ACOXL: variants seen among roughly 807,000 people sequenced by gnomAD.
ACOXL encodes acyl-coenzyme A oxidase-like protein.
Under a neutral mutation model 71.9 loss-of-function variants are expected in ACOXL, and 70 were observed. That is an observed-to-expected ratio of 0.97 (90% CI 0.80 to 1.19). The LOEUF is 1.19. Ranked by LOEUF, ACOXL falls within the 50% of genes most tolerant of loss-of-function variation. ACOXL has a pLI of 0.00. For synonymous variants in ACOXL, 253 were observed against 281.6 expected (o/e 0.90, Z 1.02); for missense variants, 703 against 736.3 (o/e 0.95, Z 0.52).
chr2:110,967,160 TAAAAC>T (rs2149472260), intron 12 of ACOXL, among the ~76,000 whole-genome samples: 1 of 152,298 alleles, frequency 6.6e-6, no homozygotes, highest in East Asian at 1.9e-4. Flanking sequence ...CAAATGCTCT[TAAAAC>T]AAATTTTAAA....
intron 10 of ACOXL, among the ~76,000 whole-genome samples, chr2:110,883,973 C>A (rs993108969): frequency 6.6e-6 from 1 of 152,074 alleles, no homozygotes; most frequent in Non-Finnish European, 1.5e-5. Context: ...TGGAGTACAA[C>A]GTGGTGTTAC....
At chr2:110,870,372 T>C (rs1695128975) in intron 10 of ACOXL, among the ~76,000 whole-genome samples, 2 of 151,986 alleles carry the variant, frequency 1.3e-5, no homozygotes, top group African/African-American at 4.8e-5. Context: ...TAAAATCTTC[T>C]AAATCTTAAC....
intron 8 of ACOXL, among the ~76,000 whole-genome samples, chr2:110,801,992 AAG>A (rs1207395814): frequency 6.6e-6 from 1 of 152,206 alleles, no homozygotes; most frequent in African/African-American, 2.4e-5. Context: ...CATATGTCTA[AAG>A]AGAGAGAGGT....
chr2:110,899,639 C>T (rs1357259154), intron 10 of ACOXL, among the ~76,000 whole-genome samples: 1 of 152,106 alleles, frequency 6.6e-6, no homozygotes, highest in Non-Finnish European at 1.5e-5. Context: ...ATTAATACAA[C>T]AGTGAAATAA....
intron 12 of ACOXL, among the ~76,000 whole-genome samples, chr2:110,957,600 C>T (rs754853909): frequency 6.6e-5 from 10 of 152,166 alleles, no homozygotes; most frequent in Non-Finnish European, 1.3e-4. Context: ...TTCACACGTT[C>T]CTCTGTGTGT....
rs144292764 is a variant in ACOXL, at chr2:110,886,724, T to C, written c.789-22065T>C. 75 of 1,549,334 alleles carry C rather than the reference T, an allele frequency of 4.8e-5. No individual in the cohort carries two copies. In the African/African-American group the frequency reaches 8.8e-4, roughly 18 times the overall value. ...CCAAGTTTCACCCTTTGACTGGAGT[T>C]AGCCTTGCGGAAGAACTGAATTTGT... is the stretch of plus-strand genomic sequence containing the variant. On this transcript the variant is annotated intron_variant, in intron 10 of 17. Transcript: ENST00000439055.
In ACOXL at chr2:110,963,861, A is replaced by G. The variant is rs184212402; in HGVS notation, c.1060-23247A>G. The G allele has an allele frequency of 7.2e-4, 870 of 1,203,078 alleles. 10 individuals are homozygous for G. Among genetic ancestry groups the G allele is most frequent in the Non-Finnish European group, 8.5e-5 (75 of 885,352 alleles). 74.5% of individuals were successfully genotyped at this position (1,203,078 alleles called of 1,614,324 possible). ...ATTTGTTGTAGCTGAACAGGGGATT[A>G]CGTTATTTCTCTCTTAGCTGATCTT... is the stretch of plus-strand genomic sequence containing the variant. On this transcript the variant is annotated intron_variant, in intron 12 of 17. Coordinates refer to ENST00000439055, the MANE Select transcript of ACOXL (RefSeq NM_001142807.4).
At position 110,742,294 on chromosome 2, in the gene ACOXL, C is replaced by CT. The variant is rs566557158; in HGVS notation, c.-23+9521dup. Among the ~76,000 whole-genome samples the CT allele has an allele frequency of 1.1e-3, 161 of 152,340 alleles. 2 individuals carry two copies. The highest frequency in any genetic ancestry group is 3.7e-3 in the African/African-American group (154 of 41,570). On this transcript the variant is annotated intron_variant, in intron 1 of 17. Coordinates refer to ENST00000439055, the MANE Select transcript of ACOXL (RefSeq NM_001142807.4). Reference sequence around the variant, plus strand: ...AATTATTGTAGTGCTGCTCTGTACTCTGACATGTGACTTTATTAAGGGGCA... The same window carrying CT: ...AATTATTGTAGTGCTGCTCTGTACTCTTGACATGTGACTTTATTAAGGGGCA...
chr2:110,787,319 G>A (rs1164289678), intron 3 of ACOXL, among the ~76,000 whole-genome samples: 1 of 152,130 alleles, frequency 6.6e-6, no homozygotes, highest in Admixed American at 6.5e-5. Context: ...CGGATCACAA[G>A]GTCAGGAGAT....
intron 14 of ACOXL, among the ~76,000 whole-genome samples, chr2:111,012,470 A>G (rs1397616985): frequency 6.6e-6 from 1 of 152,212 alleles, no homozygotes; most frequent in Admixed American, 6.5e-5. Flanking sequence ...GAAGATGTGA[A>G]TAACACTGTC....
At chr2:110,886,630 C>T (rs763516263) in intron 10 of ACOXL, 17 of 962,224 alleles carry the variant, frequency 1.8e-5, no homozygotes, top group South Asian at 3.3e-5. Flanking sequence ...CCACCCACCT[C>T]GGCTTCTCAA....
intron 12 of ACOXL, among the ~76,000 whole-genome samples, chr2:110,948,932 TA>T (rs2061223807): frequency 6.6e-6 from 1 of 151,972 alleles, no homozygotes; most frequent in South Asian, 2.1e-4. Context: ...GGTGTTTGTT[TA>T]AATACCTCAC....
At chr2:110,861,262 A>G (rs1054980158) in intron 10 of ACOXL, among the ~76,000 whole-genome samples, 5 of 152,140 alleles carry the variant, frequency 3.3e-5, no homozygotes, top group African/African-American at 1.2e-4. Flanking sequence ...TTTTTGCTTG[A>G]TTATAAAGCT....
intron 17 of ACOXL, among the ~76,000 whole-genome samples, chr2:111,103,716 C>G (rs1255866842): frequency 6.6e-6 from 1 of 151,556 alleles, no homozygotes; most frequent in Admixed American, 6.6e-5. Context: ...TCTCCTGGTG[C>G]TTATATAAAA....
intron 12 of ACOXL, chr2:110,968,322 GA>G: frequency 8.4e-7 from 1 of 1,196,918 alleles, no homozygotes; most frequent in Non-Finnish European, 1.2e-6. Flanking sequence ...TTGGCTCCCT[GA>G]AGGGAGCTGT....
chr2:110,918,554 G>T (rs1278661922), intron 11 of ACOXL, among the ~76,000 whole-genome samples: 1 of 152,060 alleles, frequency 6.6e-6, no homozygotes, highest in Non-Finnish European at 1.5e-5. Context: ...TTGACAAATG[G>T]GATCTAATTA....
Position 111,005,713 on chromosome 2 carries a change from T to A in ACOXL, c.1281+9709T>A, listed in dbSNP as rs539631167. ...TCTTCTGTGGAAAATGCAAGCTGTC[T>A]GTGTTGGCGATTGGGTGGCACACAC... is the stretch of plus-strand genomic sequence containing the variant. On this transcript the variant is annotated intron_variant, in intron 14 of 17. Coordinates refer to ENST00000439055, the MANE Select transcript of ACOXL (RefSeq NM_001142807.4). Among the ~76,000 whole-genome samples, 12 of 152,258 alleles carry A rather than the reference T, an allele frequency of 7.9e-5. No homozygotes were observed. The East Asian group carries it at 2.3e-3, about 29-fold the overall frequency.
intron 15 of ACOXL, among the ~76,000 whole-genome samples, chr2:111,042,095 A>G (rs770232112): frequency 6.6e-6 from 1 of 152,076 alleles, no homozygotes; most frequent in Non-Finnish European, 1.5e-5. Context: ...AGTTCTCCAC[A>G]TTTCACTCCC....
intron 9 of ACOXL, among the ~76,000 whole-genome samples, chr2:110,831,400 CAT>C (rs1280182612): frequency 2.0e-5 from 3 of 152,024 alleles, no homozygotes; most frequent in South Asian, 2.1e-4. Context: ...TCTAGCAAAA[CAT>C]GTATAGAATT....
Sources: gnomAD v4.1 joint callset for allele counts (sites outside exome capture counted in the v4.1 genomes callset) on GRCh38, gnomAD v4.1.1 for gene constraint, MANE v1.5 for transcripts, NCBI Gene and HGNC (gene_info 2026-07-23, HGNC 2026-07-21) for gene names.